The following DMRT1 variants were observed in gnomAD, a reference collection of about 807,000 sequenced individuals.
DMRT1 encodes doublesex and mab-3 related transcription factor 1.
Under a neutral mutation model 32.3 loss-of-function variants are expected in DMRT1, and 7 were observed. The observed-to-expected ratio is 0.22, with a 90% CI of 0.12 to 0.41. DMRT1 has a LOEUF of 0.41. DMRT1 is among the 10% of genes least tolerant of loss of function. DMRT1 has a pLI of 1.00. For missense variants in DMRT1, 625 were observed against 500.5 expected (o/e 1.25, Z -2.37); for synonymous variants, 278 against 206.1 (o/e 1.35, Z -2.99).
intron 2 of DMRT1, among the ~76,000 whole-genome samples, chr9:876,431 A>T (rs573102550): frequency 6.6e-6 from 1 of 151,730 alleles, no homozygotes; most frequent in South Asian, 2.1e-4. Context: ...TAAGAACTTG[A>T]CCTCTTTGCT....
rs116010176 is a variant in DMRT1 at position 927,894 on chromosome 9, G to A, written c.967+10987G>A. Among the ~76,000 whole-genome samples the A allele has an allele frequency of 2.7e-3, 405 of 152,340 alleles. 4 individuals are homozygous for A. Among genetic ancestry groups the A allele is most frequent in the African/African-American group, 9.0e-3 (374 of 41,590 alleles). Reference sequence around the variant, plus strand: ...AAACTTGGAACACTTTCTCCCGGGAGTATTGTGGTACATTGGAATGTCCGT... The same window carrying A: ...AAACTTGGAACACTTTCTCCCGGGAATATTGTGGTACATTGGAATGTCCGT... On this transcript the variant is annotated intron_variant, in intron 4 of 4. Transcript: ENST00000382276.
At chr9:963,102 A>G (rs1448433223) in intron 4 of DMRT1, among the ~76,000 whole-genome samples, 2 of 152,180 alleles carry the variant, frequency 1.3e-5, no homozygotes, top group African/African-American at 2.4e-5. Flanking sequence ...AAAGTATGCT[A>G]TTTGCCAGTG....
At chr9:846,897 T>A in intron 1 of DMRT1, 63 bp from the exon 2 acceptor site, 1 of 1,598,350 alleles carries the variant, frequency 6.3e-7, no homozygotes, top group Non-Finnish European at 8.6e-7. Context: ...GGGTGGGGCT[T>A]CTGTGTTTTG....
chr9:866,291 C>T (rs1380194473), intron 2 of DMRT1, among the ~76,000 whole-genome samples: 4 of 151,192 alleles, frequency 2.6e-5, no homozygotes, highest in Non-Finnish European at 2.9e-5. Flanking sequence ...ATTTAGAAAT[C>T]GTCAGGACAT....
Position 841,892 on chromosome 9 carries a change from C to T in DMRT1, c.54C>T (p.His18=). 6.2e-7 allele frequency: 1 copy of T among 1,611,946 alleles called. No individual in the cohort carries two copies. The highest frequency in any genetic ancestry group is 8.5e-7 in the Non-Finnish European group (1 of 1,179,210). ...SKPSTPSEAP[H]APGVPPQGRA... ...CCTCTACACCGTCGGAAGCCCCTCACGCCCCCGGGGTACCGCCGCAGGGCA... is the reference window on the plus strand; with the variant it reads ...CCTCTACACCGTCGGAAGCCCCTCATGCCCCCGGGGTACCGCCGCAGGGCA... Residue 18 remains histidine (H), a synonymous_variant, in exon 1 of 5, where the codon CAC becomes CAT. Transcript: ENST00000382276.
chr9:887,794 T>A (rs1226756997), intron 2 of DMRT1, among the ~76,000 whole-genome samples: 1 of 152,228 alleles, frequency 6.6e-6, no homozygotes, highest in East Asian at 1.9e-4. Flanking sequence ...GGCACTTGGA[T>A]TATTGCTTTG....
chr9:863,864 A>G (rs755384), intron 2 of DMRT1, among the ~76,000 whole-genome samples: 50,719 of 152,060 alleles, frequency 0.33, 10,446 homozygotes, highest in Non-Finnish European at 0.46. Context: ...TGAACCATCT[A>G]TGTCCTTTGC....
chr9:867,776 A>T (rs1816058009), intron 2 of DMRT1, among the ~76,000 whole-genome samples: 1 of 152,176 alleles, frequency 6.6e-6, no homozygotes, highest in South Asian at 2.1e-4. Context: ...GTATCTTGGT[A>T]CAAGGGTAAG....
chr9:916,627 C>T, intron 3 of DMRT1, 136 bp from the exon 4 acceptor site: 1 of 1,057,406 alleles, frequency 9.5e-7, no homozygotes, highest in African/African-American at 1.6e-5. Context: ...CCGCCCTGGC[C>T]TCCCAAGGTG....
intron 3 of DMRT1, chr9:894,485 A>C: frequency 2.1e-6 from 1 of 471,972 alleles, no homozygotes; most frequent in East Asian, 4.1e-5. Context: ...TCTTTTTCAA[A>C]TTTTACTTTT....
chr9:845,970 C>A (rs1451951048), intron 1 of DMRT1, among the ~76,000 whole-genome samples: 1 of 151,032 alleles, frequency 6.6e-6, no homozygotes, highest in African/African-American at 2.4e-5. Context: ...GTGTACCACT[C>A]TTGTGGTGTT....
chr9:878,793 C>T (rs1816614926), intron 2 of DMRT1, among the ~76,000 whole-genome samples: 2 of 152,274 alleles, frequency 1.3e-5, no homozygotes, highest in South Asian at 4.2e-4. Context: ...GTGGCAGAGC[C>T]TTTCTAAGTA....
chr9:845,800 C>T (rs1203741207), intron 1 of DMRT1, among the ~76,000 whole-genome samples: 2 of 152,182 alleles, frequency 1.3e-5, no homozygotes, highest in Non-Finnish European at 2.9e-5. Context: ...CCACCCTGTT[C>T]CATATTATTC....
rs377569563 is a variant in DMRT1, at chr9:845,233, G to A, written c.355-1727G>A. On this transcript the variant is annotated intron_variant, in intron 1 of 4. Coordinates refer to ENST00000382276, the MANE Select transcript of DMRT1 (RefSeq NM_021951.3). ...ATTTATTTATTTATTTTTTTGAGACGGAGTCTTGCTCCATTGCCCAGGCTG... is the reference window on the plus strand; with the variant it reads ...ATTTATTTATTTATTTTTTTGAGACAGAGTCTTGCTCCATTGCCCAGGCTG... Among the ~76,000 whole-genome samples the A allele has an allele frequency of 1.1e-4, 17 of 151,562 alleles. No individual in the cohort carries two copies. The East Asian group carries it at 1.2e-3, about 10-fold the overall frequency.
chr9:859,936 G>A (rs1815580691), intron 2 of DMRT1, among the ~76,000 whole-genome samples: 1 of 152,176 alleles, frequency 6.6e-6, no homozygotes, highest in African/African-American at 2.4e-5. Context: ...TTTCAATGTT[G>A]ATTTCAGAAC....
intron 3 of DMRT1, 62 bp downstream of exon 3, chr9:894,257 A>C: frequency 6.5e-7 from 1 of 1,545,204 alleles, no homozygotes; most frequent in Non-Finnish European, 8.9e-7. Context: ...ATGTGCACAC[A>C]CATGCACATA....
At chr9:903,904 G>A (rs1360916196) in intron 3 of DMRT1, among the ~76,000 whole-genome samples, 2 of 152,148 alleles carry the variant, frequency 1.3e-5, no homozygotes, top group Non-Finnish European at 2.9e-5. Flanking sequence ...GAAACATTAG[G>A]TTTTTCAGCA....
At chr9:948,152 C>G (rs1025155556) in intron 4 of DMRT1, among the ~76,000 whole-genome samples, 5 of 152,180 alleles carry the variant, frequency 3.3e-5, no homozygotes, top group Non-Finnish European at 7.3e-5. Context: ...CTGCTTTGTG[C>G]TTTGGGAACA....
At chr9:855,467 A>G (rs956717094) in intron 2 of DMRT1, among the ~76,000 whole-genome samples, 3 of 152,244 alleles carry the variant, frequency 2.0e-5, no homozygotes, top group South Asian at 2.1e-4. Flanking sequence ...TTAATGGTCA[A>G]TAAACCATTG....
Sources: gnomAD v4.1 joint callset for allele counts (sites outside exome capture counted in the v4.1 genomes callset) on GRCh38, gnomAD v4.1.1 for gene constraint, MANE v1.5 for transcripts, NCBI Gene and HGNC (gene_info 2026-07-23, HGNC 2026-07-21) for gene names.